The following PHTF2 variants were observed in gnomAD, a reference collection of about 807,000 sequenced individuals.
PHTF2 encodes the protein putative homeodomain transcription factor 2.
In PHTF2, 60 loss-of-function variants were observed where a neutral mutation model predicts 101.2. The ratio of observed to expected loss-of-function variants is 0.59; its 90% confidence interval spans 0.48 to 0.73. The LOEUF (loss-of-function observed/expected upper bound fraction) is 0.73. Ranked by LOEUF, PHTF2 falls within the 30% of genes least tolerant of loss-of-function variation. The probability of loss-of-function intolerance (pLI) is 0.00; values close to 1 mark genes in which losing one functional copy is unlikely to be tolerated. For missense variants in PHTF2, 747 were observed against 908.7 expected (o/e 0.82, Z 2.29); for synonymous variants, 311 against 307.3 (o/e 1.01, Z -0.13).
At chr7:77,920,594 C>G in intron 10 of PHTF2, 129 bp downstream of exon 9, 1 of 666,236 alleles carries the variant, frequency 1.5e-6, no homozygotes, top group Non-Finnish European at 2.6e-6. Flanking sequence ...GTTTATAACA[C>G]TGATGAAACT....
chr7:77,818,284 T>A (rs1220976996), intron 1 of PHTF2, among the ~76,000 whole-genome samples: 3 of 152,246 alleles, frequency 2.0e-5, no homozygotes, highest in African/African-American at 7.2e-5. Context: ...CATTTATTTT[T>A]GCTTTTGTTG....
intron 3 of PHTF2, among the ~76,000 whole-genome samples, chr7:77,882,473 A>T (rs997023091): frequency 1.2e-4 from 18 of 152,282 alleles, no homozygotes; most frequent in African/African-American, 4.1e-4. Flanking sequence ...TAAATAAATG[A>T]TTGGTTAAAG....
intron 3 of PHTF2, among the ~76,000 whole-genome samples, chr7:77,867,871 C>A (rs1798194477): frequency 1.3e-5 from 2 of 152,144 alleles, no homozygotes; most frequent in Admixed American, 6.5e-5. Context: ...TACATACGAT[C>A]TTTTGTTTTA....
chr7:77,900,196 A>G (rs1584644155), intron 5 of PHTF2, among the ~76,000 whole-genome samples: 2 of 152,114 alleles, frequency 1.3e-5, no homozygotes, highest in Admixed American at 6.5e-5. Context: ...CATAATGGCA[A>G]CCATCATCCT....
chr7:77,957,226 C>T lies in PHTF2; in HGVS notation c.*2348C>T, dbSNP rs555830281. Reference sequence around the variant, plus strand: ...TTAAAATAAAACATTCTGTGACTGACGGTGTTTTTTTTTTTAATTTTCAGG... The same window carrying T: ...TTAAAATAAAACATTCTGTGACTGATGGTGTTTTTTTTTTTAATTTTCAGG... On this transcript the variant is annotated 3_prime_UTR_variant, in exon 20 of 20. Transcript: ENST00000416283. The T allele has an allele frequency of 7.3e-5, 11 of 150,190 alleles. No individual in the cohort carries two copies. The highest frequency in any genetic ancestry group is 2.1e-4 in the South Asian group (1 of 4,758). 9.3% of individuals were successfully genotyped at this position (150,190 alleles called of 1,614,324 possible).
chr7:77,873,879 T>C (rs1364752560), intron 3 of PHTF2, among the ~76,000 whole-genome samples: 2 of 152,198 alleles, frequency 1.3e-5, no homozygotes, highest in African/African-American at 4.8e-5. Flanking sequence ...GCCACTTGCG[T>C]GATAATAGCT....
intron 1 of PHTF2, among the ~76,000 whole-genome samples, chr7:77,799,637 G>A (rs1471339622): frequency 6.6e-6 from 1 of 152,222 alleles, no homozygotes; most frequent in African/African-American, 2.4e-5. Context: ...TCTGCCCAGT[G>A]TTGACAGCCA....
intron 12 of PHTF2, among the ~76,000 whole-genome samples, chr7:77,931,491 ATTAG>A (rs1487554999): frequency 6.6e-6 from 1 of 152,212 alleles, no homozygotes; most frequent in African/African-American, 2.4e-5. Flanking sequence ...CAGCCTTGCT[ATTAG>A]TTAGGGAAAT....
intron 2 of PHTF2, among the ~76,000 whole-genome samples, chr7:77,842,393 G>A (rs556837346): frequency 5.9e-5 from 9 of 151,930 alleles, no homozygotes; most frequent in Admixed American, 1.3e-4. Context: ...TAGTAGAGAC[G>A]GGGTTTTGCC....
intron 1 of PHTF2, among the ~76,000 whole-genome samples, chr7:77,838,133 T>C (rs1795610356): frequency 6.6e-6 from 1 of 152,154 alleles, no homozygotes; most frequent in South Asian, 2.1e-4. Flanking sequence ...GAAGGTGTAG[T>C]GTGTATTGAA....
rs527260661 is a variant in PHTF2 at position 77,894,192 on chromosome 7, A to G, written c.216+199A>G. On this transcript the variant is annotated intron_variant, in intron 5 of 19. Coordinates refer to ENST00000416283, the Ensembl canonical transcript of PHTF2. Reference sequence around the variant, plus strand: ...TTTGTAGTAGGCATTTTCTTCCTGAACATGTAATCATATCTCTTATGCTGA... The same window carrying G: ...TTTGTAGTAGGCATTTTCTTCCTGAGCATGTAATCATATCTCTTATGCTGA... 7.9e-4 allele frequency among the ~76,000 whole-genome samples: 121 copies of G among 152,334 alleles called. 1 individual carries two copies. Among genetic ancestry groups the G allele is most frequent in the African/African-American group, 2.8e-3 (116 of 41,590 alleles).
At chr7:77,908,585 T>A (rs1233755188) in intron 7 of PHTF2, among the ~76,000 whole-genome samples, 1 of 152,206 alleles carries the variant, frequency 6.6e-6, no homozygotes, top group Non-Finnish European at 1.5e-5. Context: ...GGTGTTGTCT[T>A]GTTCCGAGAG....
intron 1 of PHTF2, among the ~76,000 whole-genome samples, chr7:77,829,002 G>T (rs1219681257): frequency 1.3e-5 from 2 of 151,788 alleles, no homozygotes; most frequent in Admixed American, 1.3e-4. Context: ...AGTGAGACCC[G>T]GCCCCACAAG....
intron 1 of PHTF2, among the ~76,000 whole-genome samples, chr7:77,818,225 G>C (rs1404934329): frequency 1.3e-5 from 2 of 151,486 alleles, no homozygotes; most frequent in South Asian, 2.1e-4. Context: ...TTTTTACTCT[G>C]TTGATTGTTT....
chr7:77,901,838 T>C, exon 7 of PHTF2: 1 of 1,598,120 alleles, frequency 6.3e-7, no homozygotes, highest in Non-Finnish European at 8.5e-7. Flanking sequence ...GAGTTGTATT[T>C]TTCCCCTTTT....
intron 1 of PHTF2, among the ~76,000 whole-genome samples, chr7:77,816,077 T>C (rs1793829865): frequency 6.7e-6 from 1 of 148,626 alleles, no homozygotes; most frequent in Admixed American, 6.7e-5. Context: ...TTGGAATAAC[T>C]TTTTTTTTTT....
At chr7:77,814,945 C>T (rs570565302) in intron 1 of PHTF2, among the ~76,000 whole-genome samples, 18 of 152,108 alleles carry the variant, frequency 1.2e-4, no homozygotes, top group South Asian at 2.1e-4. Flanking sequence ...GACTTGGTGG[C>T]GTGCACCTGT....
At chr7:77,825,051 C>A (rs908664085) in intron 1 of PHTF2, among the ~76,000 whole-genome samples, 1 of 151,858 alleles carries the variant, frequency 6.6e-6, no homozygotes, top group Non-Finnish European at 1.5e-5. Context: ...ATAACAACAA[C>A]AACAATAATA....
intron 1 of PHTF2, among the ~76,000 whole-genome samples, chr7:77,809,198 A>G (rs956974333): frequency 7.1e-6 from 1 of 140,382 alleles, no homozygotes; most frequent in Non-Finnish European, 1.5e-5. Context: ...AAATAATTGC[A>G]TTTTCCTATA....
Sources: allele counts gnomAD v4.1 joint callset (sites outside exome capture counted in the v4.1 genomes callset), GRCh38; gene constraint gnomAD v4.1.1; transcripts MANE v1.5; gene names NCBI Gene and HGNC (gene_info 2026-07-23, HGNC 2026-07-21).